The following NAALADL2 variants were observed in gnomAD, a reference collection of about 807,000 sequenced individuals.
The protein encoded by NAALADL2 is N-acetylated alpha-linked acidic dipeptidase like 2.
Under a neutral mutation model 87.2 loss-of-function variants are expected in NAALADL2, and 76 were observed. The observed-to-expected ratio is 0.87, with a 90% confidence interval of 0.72 to 1.05. The LOEUF (loss-of-function observed/expected upper bound fraction) is 1.05. NAALADL2 is among the 50% of genes least tolerant of loss of function. The pLI is 0.00. For synonymous variants in NAALADL2, 354 were observed against 331.0 expected, an observed-to-expected ratio of 1.07 and a Z score of -0.75; for missense variants, 1,089 against 945.8, an observed-to-expected ratio of 1.15 and a Z score of -1.99.
chr3:174,502,596 A>T (rs947466283), intron 1 of NAALADL2, among the ~76,000 whole-genome samples: 1 of 152,182 alleles, frequency 6.6e-6, no homozygotes, highest in Non-Finnish European at 1.5e-5. Context: ...TATTATTCAG[A>T]TATATGTATA....
intron 3 of NAALADL2, among the ~76,000 whole-genome samples, chr3:174,802,736 TG>T (rs2109257305): frequency 6.6e-6 from 1 of 152,288 alleles, no homozygotes; most frequent in African/African-American, 2.4e-5. Context: ...TGCAGTGTTT[TG>T]TTTTCTGTCC....
intron 12 of NAALADL2, among the ~76,000 whole-genome samples, chr3:175,745,952 C>A (rs1052869364): frequency 6.6e-6 from 1 of 152,210 alleles, no homozygotes; most frequent in South Asian, 2.1e-4. Context: ...ATCGTAAAGA[C>A]TTCATATGAC....
chr3:174,580,424 A>G lies in NAALADL2; in HGVS notation c.-115+29787A>G, dbSNP rs150745116. 2.4e-3 allele frequency among the ~76,000 whole-genome samples: 359 copies of G among 152,246 alleles called. 1 individual carries two copies. The highest frequency in any genetic ancestry group is 8.1e-3 in the African/African-American group (336 of 41,574). ...ACAAATTTATTGGGAAATACTTGACATATAATAAACTGAACATATTTAAAG... is the reference window on the plus strand; with the variant it reads ...ACAAATTTATTGGGAAATACTTGACGTATAATAAACTGAACATATTTAAAG... On this transcript the variant is annotated intron_variant, in intron 2 of 3. Transcript: ENST00000434257.
chr3:175,511,025 C>T (rs1731078218), intron 9 of NAALADL2, among the ~76,000 whole-genome samples: 1 of 152,160 alleles, frequency 6.6e-6, no homozygotes, highest in African/African-American at 2.4e-5. Context: ...GATAGAATAT[C>T]TCTCTCAACA....
intron 1 of NAALADL2, among the ~76,000 whole-genome samples, chr3:174,548,405 C>A (rs1190580632): frequency 6.6e-6 from 1 of 151,958 alleles, no homozygotes; most frequent in Non-Finnish European, 1.5e-5. Context: ...AAAAAATAAA[C>A]CAAGCTGCAG....
At chr3:174,849,675 C>T (rs971358949) in intron 3 of NAALADL2, among the ~76,000 whole-genome samples, 1 of 133,384 alleles carries the variant, frequency 7.5e-6, no homozygotes, top group African/African-American at 2.8e-5. Context: ...GCGGAGGTTG[C>T]AATGAGCTGA....
At chr3:175,672,746 T>C (rs952384918) in intron 11 of NAALADL2, among the ~76,000 whole-genome samples, 2 of 152,150 alleles carry the variant, frequency 1.3e-5, no homozygotes, top group African/African-American at 4.8e-5. Context: ...AGAAAGATTT[T>C]AAATCAAAAA....
chr3:174,527,960 T>C (rs997920577), intron 1 of NAALADL2, among the ~76,000 whole-genome samples: 7 of 152,198 alleles, frequency 4.6e-5, no homozygotes, highest in African/African-American at 1.7e-4. Context: ...TTTTGGTTAA[T>C]AAAGTTTTAC....
At chr3:174,475,710 T>C (rs1717171365) in intron 1 of NAALADL2, among the ~76,000 whole-genome samples, 1 of 152,050 alleles carries the variant, frequency 6.6e-6, no homozygotes, top group South Asian at 2.1e-4. Context: ...GATTCAAGTT[T>C]AGGAATAAAA....
At chr3:175,588,278 A>G (rs754552213) in intron 10 of NAALADL2, among the ~76,000 whole-genome samples, 3 of 152,088 alleles carry the variant, frequency 2.0e-5, no homozygotes, top group Non-Finnish European at 4.4e-5. Flanking sequence ...GGCAATCTCA[A>G]TTGGGTTTTG....
intron 3 of NAALADL2, among the ~76,000 whole-genome samples, chr3:174,753,372 G>A (rs1711524962): frequency 6.6e-6 from 1 of 152,170 alleles, no homozygotes; most frequent in South Asian, 2.1e-4. Context: ...CACTGCTCCT[G>A]GTGATCCCCT....
chr3:174,865,595 G>A (rs143476141), intron 1 of NAALADL2, among the ~76,000 whole-genome samples: 4 of 151,908 alleles, frequency 2.6e-5, no homozygotes, highest in Admixed American at 1.3e-4. Context: ...ACATTTCTTC[G>A]AGGGAGCTTT....
intron 13 of NAALADL2, among the ~76,000 whole-genome samples, chr3:175,789,856 C>T (rs1014310509): frequency 5.9e-5 from 9 of 152,102 alleles, no homozygotes; most frequent in African/African-American, 2.2e-4. Context: ...AAGAGCTAAA[C>T]ATCCATGAAA....
At position 175,729,071 on chromosome 3, in the gene NAALADL2, G is replaced by C. The variant is rs113443933; in HGVS notation, c.1897-8235G>C. The stretch of plus-strand genomic sequence containing the variant: ...ATGGTGTCGTTATGTGGTTTGTTTA[G>C]AGTGGAATAGAAAATGGTGCTTTCT... On this transcript the variant is annotated intron_variant, in intron 11 of 13. Coordinates refer to ENST00000454872, the MANE Select transcript of NAALADL2 (RefSeq NM_207015.3). Among the ~76,000 whole-genome samples the C allele has an allele frequency of 3.9e-3, 590 of 152,214 alleles. 1 individual carries two copies. The highest frequency in any genetic ancestry group is 0.01 in the Middle Eastern group (3 of 294).
intron 12 of NAALADL2, among the ~76,000 whole-genome samples, chr3:175,754,307 A>C (rs891173038): frequency 6.6e-6 from 1 of 152,156 alleles, no homozygotes; most frequent in East Asian, 1.9e-4. Flanking sequence ...TTTAAACTCA[A>C]GTGGACTGGC....
At chr3:174,929,207 G>A (rs1483367144) in intron 1 of NAALADL2, among the ~76,000 whole-genome samples, 3 of 152,202 alleles carry the variant, frequency 2.0e-5, no homozygotes, top group African/African-American at 2.4e-5. Flanking sequence ...GAGCAGAGGA[G>A]AGCGGGGCTC....
At chr3:175,112,715 A>G (rs1026810743) in intron 2 of NAALADL2, 1 of 151,734 alleles carries the variant, frequency 6.6e-6, no homozygotes, top group African/African-American at 2.4e-5. Flanking sequence ...ATTCTATTAC[A>G]TGTAAAATTT....
chr3:174,953,148 A>G (rs1017869872), intron 1 of NAALADL2, among the ~76,000 whole-genome samples: 10 of 152,028 alleles, frequency 6.6e-5, no homozygotes, highest in Non-Finnish European at 1.3e-4. Flanking sequence ...TGCCCAAGTC[A>G]TATGATTAAT....
chr3:174,962,372 A>ATC (rs1742159805), intron 1 of NAALADL2, among the ~76,000 whole-genome samples: 1 of 29,598 alleles, frequency 3.4e-5, no homozygotes, highest in African/African-American at 2.4e-4. Flanking sequence ...TGACTATGAC[A>ATC]TATATATATA....
Sources: allele counts gnomAD v4.1 joint callset (sites outside exome capture counted in the v4.1 genomes callset), GRCh38; gene constraint gnomAD v4.1.1; transcripts MANE v1.5; gene names NCBI Gene and HGNC (gene_info 2026-07-23, HGNC 2026-07-21).